The following MKI67 variants were observed in gnomAD, a reference collection of about 807,000 sequenced individuals.
MKI67 encodes the protein marker of proliferation Ki-67, also known as proliferation marker protein Ki-67.
A neutral mutation model predicts 233.5 loss-of-function variants in MKI67; 152 were observed. The ratio of observed to expected loss-of-function variants is 0.65; its 90% CI spans 0.57 to 0.74. MKI67 has a LOEUF of 0.74. Ranked by LOEUF, MKI67 falls within the 30% of genes least tolerant of loss-of-function variation. MKI67 has a pLI of 0.00. For missense variants in MKI67, 3,940 were observed against 3,885.2 expected, an observed-to-expected ratio of 1.01 and a Z score of -0.37; for synonymous variants, 1,465 against 1,418.5, an observed-to-expected ratio of 1.03 and a Z score of -0.74.
chr10:128,111,632 A>G lies in MKI67; in HGVS notation c.2260+13T>C, dbSNP rs746150108. The stretch of plus-strand genomic sequence containing the variant: ...AGTCAAAAGATTTATAAGATCTAAG[A>G]CTACGTTTTTACCTGAAAGATCTTC... On this transcript the variant is annotated intron_variant, in intron 11 of 14. Transcript: ENST00000368654. The G allele has an allele frequency of 3.1e-6, 5 of 1,604,104 alleles. No homozygotes were observed. In the East Asian group the frequency reaches 1.1e-4, roughly 36 times the overall value.
intron 4 of MKI67, among the ~76,000 whole-genome samples, chr10:128,121,080 T>C (rs1852925275): frequency 6.6e-6 from 1 of 151,952 alleles, no homozygotes; most frequent in South Asian, 2.1e-4. Context: ...AAAGGAAACA[T>C]TAAGCAGAAA....
In MKI67 at chr10:128,107,602, GTC is replaced by G. The variant is rs1852540058; in HGVS notation, c.4236_4237del (p.Gln1412HisfsTer10). 1 of 1,614,010 alleles carries G rather than the reference GTC, an allele frequency of 6.2e-7. No individual in the cohort carries two copies. The highest frequency in any genetic ancestry group is 1.3e-5 in the African/African-American group (1 of 74,896). On this transcript the variant is annotated frameshift_variant, in exon 13 of 15. Coordinates refer to ENST00000368654, the MANE Select transcript of MKI67 (RefSeq NM_002417.5). LOFTEE classifies it high-confidence loss of function. ...ATCTGTGTGTGTGGTTTCCCCTGAT[GTC>G]TGTGTGAGCTTCTTCAGGGCTGAGA... is the stretch of plus-strand genomic sequence containing the variant.
In MKI67 at chr10:128,115,723, T is replaced by C. The variant is rs780905845; in HGVS notation, c.685A>G (p.Asn229Asp). The change falls in exon 7 of 15, where the codon AAT becomes GAT. Residue 229 changes from asparagine (N) to aspartate (D), a missense_variant. By Grantham distance (23) the Asn-to-Asp change is conservative. Coordinates refer to ENST00000368654, the MANE Select transcript of MKI67 (RefSeq NM_002417.5). ...KSVPTTQCLD[N>D]SKKNESPFWK... ...AAGGGAGATTCATTTTTTTTGCTAT[T>C]GTCAAGACATTGTGTAGTGGGAACA... 17 of 1,613,730 alleles carry C rather than the reference T, an allele frequency of 1.1e-5. No individual in the cohort carries two copies. The highest frequency in any genetic ancestry group is 1.4e-5 in the Non-Finnish European group (16 of 1,180,032).
chr10:128,116,680 G>A (rs1852816528), intron 5 of MKI67, 144 bp from the exon 6 acceptor site: 1 of 698,374 alleles, frequency 1.4e-6, no homozygotes, highest in African/African-American at 1.8e-5. Context: ...GCCAAGGTGG[G>A]CGGATCACTT....
Position 128,118,252 on chromosome 10 carries a change from C to T in MKI67, c.354+1001G>A, listed in dbSNP as rs1185592063. ...CTCTACTAAAAATACAAAAATTAGC[C>T]AGGCATGGTGGTGTGCACCTGTAGT... On this transcript the variant is annotated intron_variant, in intron 5 of 14. Transcript: ENST00000368654. Among the ~76,000 whole-genome samples the T allele has an allele frequency of 2.0e-5, 3 of 151,932 alleles. No individual in the cohort carries two copies. The East Asian group carries it at 5.8e-4, about 29-fold the overall frequency.
chr10:128,101,245 G>A lies in MKI67; in HGVS notation c.9705+13C>T, dbSNP rs759918306. 6.2e-7 allele frequency: 1 copy of A among 1,603,566 alleles called. No homozygotes were observed. The highest frequency in any genetic ancestry group is 1.1e-5 in the South Asian group (1 of 90,518). ...CTGTGTCTTTTAAAACAGGGAAACA[G>A]TAAATGGCTTACCTTCTTTGGATTT... On this transcript the variant is annotated intron_variant, in intron 14 of 14. Transcript: ENST00000368654.
intron 5 of MKI67, 30 bp downstream of exon 5, chr10:128,119,223 A>C: frequency 1.3e-6 from 2 of 1,505,608 alleles, no homozygotes; most frequent in Non-Finnish European, 1.8e-6. Flanking sequence ...ATCGAAACGA[A>C]TCAGCCCAAA....
chr10:128,112,780 C>T (rs532222391), intron 8 of MKI67, among the ~76,000 whole-genome samples: 19 of 152,256 alleles, frequency 1.2e-4, no homozygotes, highest in African/African-American at 4.6e-4. Context: ...GGAGGGAGGA[C>T]TGCTTGCCCC....
chr10:128,110,605 T>C, intron 11 of MKI67, 72 bp from the exon 12 acceptor site: 4 of 1,224,472 alleles, frequency 3.3e-6, no homozygotes, highest in Non-Finnish European at 3.4e-6. Flanking sequence ...AGCCCTCACA[T>C]GTAACGTGCA....
chr10:128,108,357 T>C lies in MKI67; in HGVS notation c.3483A>G (p.Leu1161=). 6.2e-7 allele frequency: 1 copy of C among 1,614,172 alleles called. No individual in the cohort carries two copies. The highest frequency in any genetic ancestry group is 8.5e-7 in the Non-Finnish European group (1 of 1,180,038). ...LRKADVEEEF[L]ALRKLTPSAG... is the part of the protein sequence containing the mutation. ...CTGATGGTGTTAGTTTCCTGAGTGCTAAGAATTCTTCCTCTACATCTGCTT... is the reference window on the plus strand; with the variant it reads ...CTGATGGTGTTAGTTTCCTGAGTGCCAAGAATTCTTCCTCTACATCTGCTT... The change falls in exon 13 of 15, where the codon TTA becomes TTG. Residue 1161 remains leucine, a synonymous_variant. Coordinates refer to ENST00000368654, the MANE Select transcript of MKI67 (RefSeq NM_002417.5).
chr10:128,104,407 G>A lies in MKI67; in HGVS notation c.7433C>T (p.Ser2478Phe). The part of the protein sequence containing the change: ...QPESFKTSRS[S>F]KQRLKIPLVK... ...CAGGGGTATCTTGAGCCTTTGCTTG[G>A]AGCTTCTTGAGGTTTTGAATGACTC... Residue 2478 changes from serine (S) to phenylalanine (F), a missense_variant, in exon 13 of 15, where the codon TCC becomes TTC. Transcript: ENST00000368654. The A allele has an allele frequency of 6.2e-7, 1 of 1,614,018 alleles. No individual in the cohort carries two copies. The highest frequency in any genetic ancestry group is 1.1e-5 in the South Asian group (1 of 91,070).
At position 128,108,742 on chromosome 10, in the gene MKI67, C is replaced by G. The variant is rs781481258; in HGVS notation, c.3098G>C (p.Gly1033Ala). Residue 1033 changes from glycine to alanine, a missense_variant, in exon 13 of 15, where the codon GGT (glycine) becomes GCT (alanine). Coordinates refer to ENST00000368654, the MANE Select transcript of MKI67 (RefSeq NM_002417.5). ...GACTGCTAGGAGCTCTTCTTTCACA[C>G]CTACTTTCCCCAGGGATGCCTTCAA... Reference protein sequence around the residue: ...QQLKASLGKVGVKEELLAVGK... With the variant: ...QQLKASLGKVAVKEELLAVGK... 2 of 1,614,196 alleles carry G rather than the reference C, an allele frequency of 1.2e-6. No homozygotes were observed. Among genetic ancestry groups the G allele is most frequent in the Admixed American group, 3.3e-5 (2 of 60,022 alleles).
Position 128,110,276 on chromosome 10 carries a change from G to A in MKI67, c.2416+102C>T, listed in dbSNP as rs532961901. 66 of 932,194 alleles carry A rather than the reference G, an allele frequency of 7.1e-5. 1 individual carries two copies. The South Asian group carries it at 1.8e-3, about 26-fold the overall frequency. The allele number at this position is 932,194 out of a possible 1,614,324, so 57.7% of individuals were successfully genotyped here. A position where few individuals can be genotyped will look rare whatever the true frequency, so the allele number is the denominator to read the frequency against. ...AGACGGAAATGGTATTTTGTGCCAG[G>A]AACATTTGTTTTAGAGAAGTAATAT... is the stretch of plus-strand genomic sequence containing the variant. On this transcript the variant is annotated intron_variant, in intron 12 of 14. Transcript: ENST00000368654.
chr10:128,104,966 G>C lies in MKI67; in HGVS notation c.6874C>G (p.Leu2292Val), dbSNP rs374214144. ...FMGTPVQKLD[L>V]PGNLPGSKRW... Reference sequence around the variant, plus strand: ...TTGCTGCCAGGTAAATTTCCTGGCAGGTCCAATTTCTGCACTGGAGTTCCC... The same window carrying C: ...TTGCTGCCAGGTAAATTTCCTGGCACGTCCAATTTCTGCACTGGAGTTCCC... Residue 2292 changes from leucine to valine, a missense_variant, in exon 13 of 15, where the codon CTG becomes GTG. By Grantham distance (32) the Leu-to-Val change is conservative. Coordinates refer to ENST00000368654, the MANE Select transcript of MKI67 (RefSeq NM_002417.5). 32 of 1,613,404 alleles carry C rather than the reference G, an allele frequency of 2.0e-5. No homozygotes were observed. The highest frequency in any genetic ancestry group is 4.0e-5 in the African/African-American group (3 of 74,658).
At position 128,103,058 on chromosome 10, in the gene MKI67, G is replaced by T. The variant is rs145862840; in HGVS notation, c.8782C>A (p.Pro2928Thr). 14 of 1,614,140 alleles carry T rather than the reference G, an allele frequency of 8.7e-6. No individual in the cohort carries two copies. The African/African-American group carries it at 1.5e-4, about 17-fold the overall frequency. ...LASFQELSQT[P>T]GHTEELANGA... ...TTTGCCAGTTCCTCAGTGTGGCCTG[G>T]TGTTTGAGAGAGCTCTTGGAAGCTG... Residue 2928 changes from proline (P) to threonine (T), a missense_variant, in exon 13 of 15, where the codon CCA (proline) becomes ACA (threonine). Coordinates refer to ENST00000368654, the MANE Select transcript of MKI67 (RefSeq NM_002417.5).
chr10:128,105,779 T>C lies in MKI67; in HGVS notation c.6061A>G (p.Thr2021Ala), dbSNP rs1428808627. ...TGTGTCTGTGTGGTCTTCCCTGACGTCTGTGTGAGCTTGCCGACTGGTAGG... is the reference window on the plus strand; with the variant it reads ...TGTGTCTGTGTGGTCTTCCCTGACGCCTGTGTGAGCTTGCCGACTGGTAGG... ...EVLPVGKLTQ[T>A]SGKTTQTHRE... Residue 2021 changes from threonine to alanine, a missense_variant, in exon 13 of 15, where the codon ACG becomes GCG. Thr to Ala is a moderately conservative substitution (Grantham distance 58). Coordinates refer to ENST00000368654, the MANE Select transcript of MKI67 (RefSeq NM_002417.5). 3.7e-6 allele frequency: 6 copies of C among 1,614,208 alleles called. No homozygotes were observed. The Middle Eastern group carries it at 6.6e-4, about 178-fold the overall frequency.
Position 128,109,130 on chromosome 10 carries a change from T to G in MKI67, c.2710A>C (p.Ile904Leu). The change falls in exon 13 of 15, where the codon ATC (isoleucine) becomes CTC (leucine). Residue 904 changes from isoleucine (I) to leucine (L), a missense_variant. By Grantham distance (5) the Ile-to-Leu change is conservative. Transcript: ENST00000368654. ...GTTGCCTTCTGACCTCTTTTTAGGATGCACTCAACAATTTCTGTATTTGTT... is the reference window on the plus strand; with the variant it reads ...GTTGCCTTCTGACCTCTTTTTAGGAGGCACTCAACAATTTCTGTATTTGTT... ...EETNTEIVEC[I>L]LKRGQKATLL... 1 of 1,614,244 alleles carries G rather than the reference T, an allele frequency of 6.2e-7. No individual in the cohort carries two copies. Among genetic ancestry groups the G allele is most frequent in the Non-Finnish European group, 8.5e-7 (1 of 1,180,034 alleles).
At chr10:128,110,113 G>A (rs910551547) in intron 12 of MKI67, among the ~76,000 whole-genome samples, 1 of 152,102 alleles carries the variant, frequency 6.6e-6, no homozygotes, top group Non-Finnish European at 1.5e-5. Flanking sequence ...TGTCACCCTG[G>A]TTACTTACAA....
In MKI67 at chr10:128,105,513, T is replaced by C. The variant is rs779146340; in HGVS notation, c.6327A>G (p.Glu2109=). 2 of 1,613,650 alleles carry C rather than the reference T, an allele frequency of 1.2e-6. No homozygotes were observed. The highest frequency in any genetic ancestry group is 4.5e-5 in the East Asian group (2 of 44,828). Residue 2109 remains glutamate (E), a synonymous_variant, in exon 13 of 15, where the codon GAA becomes GAG. Transcript: ENST00000368654. Reference sequence around the variant, plus strand: ...TTGTGCTTGTTGGAGTGTCCATTGATTCTGGTGGTGGAGATTTGCAGGCTA... The same window carrying C: ...TTGTGCTTGTTGGAGTGTCCATTGACTCTGGTGGTGGAGATTTGCAGGCTA... ...TKIACKSPPP[E]SMDTPTSTRR... is the part of the protein sequence containing the mutation.
Sources: allele counts gnomAD v4.1 joint callset (sites outside exome capture counted in the v4.1 genomes callset), GRCh38; gene constraint gnomAD v4.1.1; transcripts MANE v1.5; gene names NCBI Gene and HGNC (gene_info 2026-07-23, HGNC 2026-07-21).